Variants in TENM4 observed in about 807,000 individuals in gnomAD.
TENM4 encodes teneurin-4.
In TENM4, 82 loss-of-function variants were observed where a neutral mutation model predicts 243.3. That is an observed-to-expected ratio of 0.34 (90% confidence interval 0.28 to 0.40). The LOEUF is 0.40. TENM4 is among the 10% of genes least tolerant of loss of function. The probability of loss-of-function intolerance (pLI) is 1.00; values close to 1 mark genes in which losing one functional copy is unlikely to be tolerated. For missense variants in TENM4, 3,138 were observed against 3,673.3 expected (o/e 0.85, Z 3.77); for synonymous variants, 1,412 against 1,456.3 (o/e 0.97, Z 0.69).
intron 6 of TENM4, among the ~76,000 whole-genome samples, chr11:78,969,701 C>T (rs373928683): frequency 6.6e-6 from 1 of 152,254 alleles, no homozygotes; most frequent in South Asian, 2.1e-4. Context: ...AGTGTGAGTC[C>T]TCAACAGTAA....
At chr11:78,802,082 G>A (rs981402545) in intron 15 of TENM4, among the ~76,000 whole-genome samples, 1 of 152,180 alleles carries the variant, frequency 6.6e-6, no homozygotes, top group Non-Finnish European at 1.5e-5. Flanking sequence ...CTGTTCTGCT[G>A]CCCTGTAGCT....
At chr11:79,388,239 C>T (rs779851973) in intron 1 of TENM4, among the ~76,000 whole-genome samples, 4 of 152,150 alleles carry the variant, frequency 2.6e-5, no homozygotes, top group Non-Finnish European at 4.4e-5. Flanking sequence ...GTGGGGACTG[C>T]ACTAAAATTA....
chr11:78,916,450 A>C (rs1450398885), intron 6 of TENM4, among the ~76,000 whole-genome samples: 2 of 152,236 alleles, frequency 1.3e-5, no homozygotes, highest in Non-Finnish European at 2.9e-5. Flanking sequence ...CTTGGTGGCT[A>C]TAAAATGTTT....
At chr11:79,250,580 T>G (rs527299253) in intron 2 of TENM4, among the ~76,000 whole-genome samples, 1 of 152,300 alleles carries the variant, frequency 6.6e-6, no homozygotes, top group Admixed American at 6.5e-5. Context: ...TGCTGTAACT[T>G]TTGCTATTCT....
chr11:79,304,470 T>A (rs1249711048), intron 1 of TENM4, among the ~76,000 whole-genome samples: 1 of 152,192 alleles, frequency 6.6e-6, no homozygotes, highest in Admixed American at 6.5e-5. Flanking sequence ...TCCAGCTTTA[T>A]CATTAATTAT....
intron 3 of TENM4, among the ~76,000 whole-genome samples, chr11:79,173,202 T>C (rs1863085439): frequency 6.6e-6 from 1 of 152,200 alleles, no homozygotes; most frequent in Non-Finnish European, 1.5e-5. Context: ...AAGGCACATT[T>C]TTAGCTTCTG....
chr11:78,831,365 G>C (rs140486347), intron 12 of TENM4, among the ~76,000 whole-genome samples: 1 of 152,204 alleles, frequency 6.6e-6, no homozygotes, highest in Non-Finnish European at 1.5e-5. Context: ...GCTCCTGGCC[G>C]GGTGAAGAGC....
At chr11:78,767,142 A>G (rs1856555514) in intron 18 of TENM4, among the ~76,000 whole-genome samples, 1 of 152,240 alleles carries the variant, frequency 6.6e-6, no homozygotes, top group South Asian at 2.1e-4. Flanking sequence ...ACAATGGGCC[A>G]TATGTCAGAG....
At chr11:79,333,960 G>A (rs904319513) in intron 1 of TENM4, among the ~76,000 whole-genome samples, 1 of 152,154 alleles carries the variant, frequency 6.6e-6, no homozygotes, top group Non-Finnish European at 1.5e-5. Flanking sequence ...CTTGAAAAGG[G>A]CTATTGCTGT....
intron 2 of TENM4, among the ~76,000 whole-genome samples, chr11:79,229,079 C>T (rs570207099): frequency 2.6e-5 from 4 of 152,264 alleles, no homozygotes; most frequent in African/African-American, 9.6e-5. Flanking sequence ...TTGTAGGATG[C>T]CCCACTATTG....
chr11:78,798,859 G>C (rs1312683300), intron 15 of TENM4, among the ~76,000 whole-genome samples: 2 of 151,958 alleles, frequency 1.3e-5, no homozygotes, highest in African/African-American at 4.8e-5. Context: ...CCCATTACTG[G>C]CCAAGTTCAC....
chr11:78,985,783 A>G (rs6592813), intron 6 of TENM4, among the ~76,000 whole-genome samples: 9,196 of 152,066 alleles, frequency 0.06, 367 homozygotes, highest in African/African-American at 0.11. Flanking sequence ...TGTCTGTCTC[A>G]GTCATTTTCT....
intron 6 of TENM4, among the ~76,000 whole-genome samples, chr11:78,911,597 G>A (rs562629930): frequency 6.6e-6 from 1 of 152,214 alleles, no homozygotes; most frequent in Non-Finnish European, 1.5e-5. Flanking sequence ...GCATTTGGAG[G>A]TGGGGCCTTT....
At chr11:79,123,603 T>C (rs993399540) in intron 4 of TENM4, among the ~76,000 whole-genome samples, 3 of 151,668 alleles carry the variant, frequency 2.0e-5, no homozygotes, top group African/African-American at 7.3e-5. Flanking sequence ...TAGCCCCTTT[T>C]TTTTTTTTTT....
At chr11:78,931,438 A>G (rs1365416098) in intron 6 of TENM4, among the ~76,000 whole-genome samples, 2 of 152,230 alleles carry the variant, frequency 1.3e-5, no homozygotes, top group Non-Finnish European at 2.9e-5. Flanking sequence ...CAGTAGTTGA[A>G]TGCAAAAGAG....
At chr11:78,992,254 C>T (rs1455760529) in intron 6 of TENM4, among the ~76,000 whole-genome samples, 1 of 152,216 alleles carries the variant, frequency 6.6e-6, no homozygotes, top group Admixed American at 6.5e-5. Flanking sequence ...CTAATGCAGG[C>T]ACATGGACTT....
intron 1 of TENM4, among the ~76,000 whole-genome samples, chr11:79,391,555 C>G (rs1858233125): frequency 6.6e-6 from 1 of 152,196 alleles, no homozygotes; most frequent in Admixed American, 6.5e-5. Flanking sequence ...AGGCCCTTAT[C>G]AATCCTGACA....
At chr11:79,224,507 G>C (rs115008834) in intron 2 of TENM4, among the ~76,000 whole-genome samples, 2,089 of 152,214 alleles carry the variant, frequency 0.014, 49 homozygotes, top group African/African-American at 0.047. Flanking sequence ...GGGTTGAATT[G>C]TATCCTCAAA....
intron 3 of TENM4, among the ~76,000 whole-genome samples, chr11:79,199,404 T>C (rs957563662): frequency 6.6e-6 from 1 of 152,182 alleles, no homozygotes; most frequent in African/African-American, 2.4e-5. Flanking sequence ...ATAAGAATAA[T>C]AATGTCCCTG....
Sources: gnomAD v4.1 joint callset for allele counts (sites outside exome capture counted in the v4.1 genomes callset) on GRCh38, gnomAD v4.1.1 for gene constraint, MANE v1.5 for transcripts, NCBI Gene and HGNC (gene_info 2026-07-23, HGNC 2026-07-21) for gene names.